The following NRG3 variants were observed in gnomAD, a reference collection of about 807,000 sequenced individuals.
NRG3 encodes the protein neuregulin 3.
A neutral mutation model predicts 66.9 loss-of-function variants in NRG3; 31 were observed. That is an observed-to-expected ratio of 0.46 (90% CI 0.35 to 0.63). The LOEUF (loss-of-function observed/expected upper bound fraction) is 0.63, where lower values mean the gene tolerates loss of function less well. Ranked by LOEUF, NRG3 falls within the 20% of genes least tolerant of loss-of-function variation. The pLI is 0.00. For synonymous variants in NRG3, 393 were observed against 359.4 expected (o/e 1.09, Z -1.06); for missense variants, 910 against 878.9 (o/e 1.04, Z -0.45).
At chr10:82,540,933 C>T (rs1198547628) in intron 2 of NRG3, among the ~76,000 whole-genome samples, 1 of 152,066 alleles carries the variant, frequency 6.6e-6, no homozygotes, top group African/African-American at 2.4e-5. Flanking sequence ...TAAGTGAGGT[C>T]ATTAAGGTGT....
At chr10:81,893,221 CA>C (rs1192166686) in intron 1 of NRG3, among the ~76,000 whole-genome samples, 1 of 146,730 alleles carries the variant, frequency 6.8e-6, no homozygotes, top group Non-Finnish European at 1.5e-5. Flanking sequence ...TATGTATTTG[CA>C]AAATGAAGTT....
chr10:82,324,328 T>C (rs12264810), intron 1 of NRG3, among the ~76,000 whole-genome samples: 5,069 of 152,260 alleles, frequency 0.033, 234 homozygotes, highest in African/African-American at 0.11. Context: ...CTCGTCACTC[T>C]TGATAGAATC....
chr10:82,743,943 T>C (rs1429171978), intron 3 of NRG3, among the ~76,000 whole-genome samples: 1 of 152,234 alleles, frequency 6.6e-6, no homozygotes, highest in African/African-American at 2.4e-5. Flanking sequence ...GTGCTCTGAA[T>C]TGGAAGTCAA....
rs1183252774 is a variant in NRG3, at chr10:82,720,818, T to TAC, written c.954-17758_954-17757insCA. On this transcript the variant is annotated intron_variant, in intron 2 of 8. Transcript: ENST00000372141. Reference sequence around the variant, plus strand: ...TATAGGAGTATTTTATACATATATATATATATATATATATATATATATATC... The same window carrying TAC: ...TATAGGAGTATTTTATACATATATATACATATATATATATATATATATATATC... 2.0e-3 allele frequency among the ~76,000 whole-genome samples: 59 copies of TAC among 28,988 alleles called. 2 individuals are homozygous for TAC. The highest frequency in any genetic ancestry group is 6.4e-3 in the African/African-American group (54 of 8,458). The allele number at this position is 28,988 out of a possible 152,430, so 19.0% of individuals were successfully genotyped here.
At chr10:81,921,059 T>A (rs1237107521) in intron 1 of NRG3, among the ~76,000 whole-genome samples, 1 of 152,096 alleles carries the variant, frequency 6.6e-6, no homozygotes, top group Non-Finnish European at 1.5e-5. Flanking sequence ...TATTTGCAAA[T>A]TGATTTTAAA....
chr10:82,962,632 A>G (rs890392871), intron 6 of NRG3, among the ~76,000 whole-genome samples: 1 of 152,112 alleles, frequency 6.6e-6, no homozygotes, highest in East Asian at 1.9e-4. Context: ...TGAGGTCGGG[A>G]GTTCAAGACC....
At chr10:82,506,197 G>A (rs1428347722) in intron 2 of NRG3, among the ~76,000 whole-genome samples, 9 of 152,140 alleles carry the variant, frequency 5.9e-5, no homozygotes, top group African/African-American at 2.2e-4. Flanking sequence ...GCAGTGAGTC[G>A]AGATTGCGCC....
At chr10:82,158,560 G>C (rs1188637472) in intron 1 of NRG3, among the ~76,000 whole-genome samples, 1 of 151,754 alleles carries the variant, frequency 6.6e-6, no homozygotes, top group Non-Finnish European at 1.5e-5. Flanking sequence ...AGGTAAATTG[G>C]ATGTATATTT....
intron 4 of NRG3, among the ~76,000 whole-genome samples, chr10:82,890,042 G>A (rs1843013862): frequency 6.6e-6 from 1 of 151,746 alleles, no homozygotes; most frequent in Admixed American, 6.6e-5. Flanking sequence ...TACTCTAAGT[G>A]AATTTAATAG....
intron 2 of NRG3, among the ~76,000 whole-genome samples, chr10:82,571,355 C>T (rs754604035): frequency 3.3e-5 from 5 of 151,378 alleles, no homozygotes; most frequent in Non-Finnish European, 7.4e-5. Context: ...ACATACAAAA[C>T]AAAGCGATAT....
chr10:82,661,737 C>T (rs1224485293), intron 2 of NRG3, among the ~76,000 whole-genome samples: 1 of 152,184 alleles, frequency 6.6e-6, no homozygotes, highest in African/African-American at 2.4e-5. Context: ...ATAAAAGTCC[C>T]AGTGGTCTGC....
intron 2 of NRG3, among the ~76,000 whole-genome samples, chr10:82,522,096 T>C (rs941444119): frequency 1.3e-4 from 18 of 142,520 alleles, no homozygotes; most frequent in Admixed American, 2.3e-4. Context: ...CAGGCTGGAG[T>C]GCGGTGGTGC....
chr10:82,321,124 C>T (rs2081545388), intron 1 of NRG3, among the ~76,000 whole-genome samples: 1 of 152,188 alleles, frequency 6.6e-6, no homozygotes, highest in African/African-American at 2.4e-5. Context: ...CTGTAACATG[C>T]CCCCTGGGGC....
At chr10:82,266,716 C>T (rs1444811280) in intron 1 of NRG3, among the ~76,000 whole-genome samples, 1 of 152,144 alleles carries the variant, frequency 6.6e-6, no homozygotes, top group Non-Finnish European at 1.5e-5. Flanking sequence ...GCTGTGCAGC[C>T]AGTCAGCACA....
At chr10:82,517,693 G>A (rs973734485) in intron 2 of NRG3, among the ~76,000 whole-genome samples, 1 of 150,816 alleles carries the variant, frequency 6.6e-6, no homozygotes, top group Non-Finnish European at 1.5e-5. Context: ...GTGTGTGTGT[G>A]TGTCTGTATG....
chr10:81,877,587 T>C (rs777237881), intron 1 of NRG3: 2 of 711,798 alleles, frequency 2.8e-6, no homozygotes, highest in Non-Finnish European at 3.5e-6. Flanking sequence ...TTTTAAAGAA[T>C]GTAGTGTATT....
At chr10:82,636,559 C>T (rs889168461) in intron 2 of NRG3, among the ~76,000 whole-genome samples, 1 of 152,124 alleles carries the variant, frequency 6.6e-6, no homozygotes, top group Non-Finnish European at 1.5e-5. Flanking sequence ...GCATAATGTA[C>T]TCCAGGGTTA....
intron 1 of NRG3, among the ~76,000 whole-genome samples, chr10:81,942,483 TTATCAGCCGTTGACTACACAAGATCTA>T (rs1395315031): frequency 6.6e-6 from 1 of 152,172 alleles, no homozygotes; most frequent in Admixed American, 6.6e-5. Context: ...AAAACAACTG[TTATCAGCCGTTGACTACACAAGATCTA>T]TATCAGTCCT....
rs545664484 is a variant in NRG3, at chr10:82,518,383, G to A, written c.953+159515G>A. On this transcript the variant is annotated intron_variant, in intron 2 of 8. Transcript: ENST00000372141. ...TGTCAGAGGCTGGTGCTGAGGCTAT[G>A]TAAGTTACCAAAGGAGGCGAAATCC... is the stretch of plus-strand genomic sequence containing the variant. 8.5e-4 allele frequency among the ~76,000 whole-genome samples: 130 copies of A among 152,254 alleles called. 1 individual carries two copies. Among genetic ancestry groups the A allele is most frequent in the African/African-American group, 3.1e-3 (127 of 41,540 alleles).
Sources: allele counts gnomAD v4.1 joint callset (sites outside exome capture counted in the v4.1 genomes callset), GRCh38; gene constraint gnomAD v4.1.1; transcripts MANE v1.5; gene names NCBI Gene and HGNC (gene_info 2026-07-23, HGNC 2026-07-21).